The following SLC4A3 variants were observed in gnomAD, a reference collection of about 807,000 sequenced individuals.
The protein encoded by SLC4A3 is solute carrier family 4 member 3.
Under a neutral mutation model 114.2 loss-of-function variants are expected in SLC4A3, and 47 were observed. The observed-to-expected ratio is 0.41, with a 90% CI of 0.33 to 0.52. The LOEUF (loss-of-function observed/expected upper bound fraction) is 0.52. SLC4A3 is among the 20% of genes least tolerant of loss of function. The probability of loss-of-function intolerance (pLI) is 0.21; values close to 1 mark genes in which losing one functional copy is unlikely to be tolerated. For synonymous variants in SLC4A3, 693 were observed against 710.3 expected, an observed-to-expected ratio of 0.98 and a Z score of 0.39; for missense variants, 1,312 against 1,668.3, an observed-to-expected ratio of 0.79 and a Z score of 3.72.
rs1192501725 is a variant in SLC4A3 at position 219,633,966 on chromosome 2, G to A, written c.1548G>A (p.Thr516=). 5.8e-6 allele frequency: 9 copies of A among 1,555,126 alleles called. No homozygotes were observed. The highest frequency in any genetic ancestry group is 7.0e-6 in the Non-Finnish European group (8 of 1,148,716). Residue 516 remains threonine, a synonymous_variant, in exon 11 of 23, where the codon ACG becomes ACA. Coordinates refer to ENST00000358055, the MANE Select transcript of SLC4A3 (RefSeq NM_005070.4). ...AGATCCCTGAAGATGCTGAGGCCAC[G>A]GTTGTGCTTGTGGGTGAGGAGGGCC... is the stretch of plus-strand genomic sequence containing the variant. ...LEKIPEDAEA[T]VVLVGCVPFL... is the part of the protein sequence containing the mutation.
Position 219,628,686 on chromosome 2 carries a change from T to C in SLC4A3, c.217+116T>C. 1 of 1,047,146 alleles carries C rather than the reference T, an allele frequency of 9.5e-7. No individual in the cohort carries two copies. Among genetic ancestry groups the C allele is most frequent in the African/African-American group, 1.6e-5 (1 of 62,210 alleles). The allele number at this position is 1,047,146 out of a possible 1,614,324, so 64.9% of individuals were successfully genotyped here. ...CAGTGCCATCCTGTGCCGGACACTG[T>C]GCTGGACTCTGTGCTGGGCCACATG... On this transcript the variant is annotated intron_variant, in intron 3 of 22. Transcript: ENST00000358055. This position sits in a 1 kb window ranked among gnomAD's most constrained non-coding sequence, Gnocchi z 4.8.
rs1478795444 is a variant in SLC4A3, at chr2:219,639,305, C to CA, written c.3024-176dup. 6.6e-6 allele frequency among the ~76,000 whole-genome samples: 1 copy of CA among 152,176 alleles called. No individual in the cohort carries two copies. The highest frequency in any genetic ancestry group is 2.4e-5 in the African/African-American group (1 of 41,428). On this transcript the variant is annotated intron_variant, in intron 19 of 22. Transcript: ENST00000358055. This position sits in a 1 kb window ranked among gnomAD's most constrained non-coding sequence, Gnocchi z 5.9. ...ATTCACAGTATGAGAATTTGTCTCA[C>CA]ATTTGCTTCAATGTGAGAACTTCAA... is the stretch of plus-strand genomic sequence containing the variant.
At position 219,629,365 on chromosome 2, in the gene SLC4A3, G is replaced by A; in HGVS notation, c.439G>A (p.Glu147Lys). 1 of 1,603,148 alleles carries A rather than the reference G, an allele frequency of 6.2e-7. No homozygotes were observed. Among genetic ancestry groups the A allele is most frequent in the Non-Finnish European group, 8.5e-7 (1 of 1,174,302 alleles). The change falls in exon 4 of 23, where the codon GAA (glutamate) becomes AAA (lysine). Residue 147 changes from glutamate to lysine, a missense_variant. Physicochemically the swap from Glu to Lys is moderately conservative, Grantham distance 56 (BLOSUM62 1). Transcript: ENST00000358055. ...GGAGGAAGAGGAGGAAGAGGAAGGA[G>A]AATCTGAGGCAGAACCTGTGGAGCC... ...EEEEEEEEEG[E>K]SEAEPVEPPH...
In SLC4A3 at chr2:219,631,197, G is replaced by A. The variant is rs1008721459; in HGVS notation, c.812-771G>A. The A allele has an allele frequency of 3.1e-5, 38 of 1,216,454 alleles. No individual in the cohort carries two copies. Among genetic ancestry groups the A allele is most frequent in the South Asian group, 6.0e-5 (4 of 66,870 alleles). 75.4% of individuals were successfully genotyped at this position (1,216,454 alleles called of 1,614,324 possible). On this transcript the variant is annotated intron_variant, in intron 6 of 22. Transcript: ENST00000358055. The surrounding 1 kb of genome is among the most constrained non-coding windows in gnomAD (Gnocchi z 6.3). ...TCCCACCTTGTAGGAGAGCCGAGGGGTCTGGTAGGGAGCGGAGGCCGAGGT... is the reference window on the plus strand; with the variant it reads ...TCCCACCTTGTAGGAGAGCCGAGGGATCTGGTAGGGAGCGGAGGCCGAGGT...
chr2:219,628,737 C>T lies in SLC4A3; in HGVS notation c.217+167C>T, dbSNP rs540408725. The T allele has an allele frequency of 9.4e-6, 7 of 745,482 alleles. No homozygotes were observed. The highest frequency in any genetic ancestry group is 8.9e-5 in the African/African-American group (5 of 56,314). The allele number at this position is 745,482 out of a possible 1,614,324, so 46.2% of individuals were successfully genotyped here. The stretch of plus-strand genomic sequence containing the variant: ...CCGTGTTCAGTCATCCTGCCTCCCC[C>T]ACCCATCGCCTGTCCGCCTGCCTGG... On this transcript the variant is annotated intron_variant, in intron 3 of 22. Coordinates refer to ENST00000358055, the MANE Select transcript of SLC4A3 (RefSeq NM_005070.4). This position sits in a 1 kb window ranked among gnomAD's most constrained non-coding sequence, Gnocchi z 4.8.
chr2:219,629,857 C>T (rs1698855531), intron 5 of SLC4A3, among the ~76,000 whole-genome samples, 162 bp downstream of exon 5: 1 of 101,506 alleles, frequency 9.9e-6, no homozygotes, highest in East Asian at 2.8e-4. Flanking sequence ...TCTCTGTCCT[C>T]ATGATTTACA....
chr2:219,630,660 G>T lies in SLC4A3; in HGVS notation c.811+308G>T, dbSNP rs1447309557. ...ATCCCTCCCCAAGGCCCCTCTTCTC[G>T]GGGTGAACTCTCTGTCTCCTCTTTG... On this transcript the variant is annotated intron_variant, in intron 6 of 22. Transcript: ENST00000358055. The surrounding 1 kb of genome is among the most constrained non-coding windows in gnomAD (Gnocchi z 6.9). 6.6e-6 allele frequency among the ~76,000 whole-genome samples: 1 copy of T among 152,104 alleles called. No individual in the cohort carries two copies. Among genetic ancestry groups the T allele is most frequent in the Non-Finnish European group, 1.5e-5 (1 of 68,030 alleles).
In SLC4A3 at chr2:219,633,965, C is replaced by T. The variant is rs775930297; in HGVS notation, c.1547C>T (p.Thr516Met). Residue 516 changes from threonine (T) to methionine (M), a missense_variant, in exon 11 of 23, where the codon ACG (threonine) becomes ATG (methionine). Physicochemically the swap from Thr to Met is moderately conservative, Grantham distance 81. Around this residue, in one of 4 missense-constraint regions of SLC4A3, gnomAD observed 771 missense variants for 977.7 expected, o/e 0.79. Transcript: ENST00000358055. ...AAGATCCCTGAAGATGCTGAGGCCA[C>T]GGTTGTGCTTGTGGGTGAGGAGGGC... ...LEKIPEDAEATVVLVGCVPFL... is the reference protein window; with the variant it reads ...LEKIPEDAEAMVVLVGCVPFL... 2.5e-5 allele frequency: 39 copies of T among 1,555,110 alleles called. No individual in the cohort carries two copies. Among genetic ancestry groups the T allele is most frequent in the Middle Eastern group, 1.7e-4 (1 of 6,010 alleles).
rs201171639 is a variant in SLC4A3 at position 219,636,769 on chromosome 2, C to T, written c.2430C>T (p.Ala810=). ...LVVFVLALVA[A]EGSFLVRYIS... ...TCTTCGTCCTTGCCCTGGTGGCCGC[C>T]GAAGGCAGCTTCCTGGTCCGCTACA... Residue 810 remains alanine (A), a synonymous_variant, in exon 16 of 23, where the codon GCC becomes GCT. Transcript: ENST00000358055. The surrounding 1 kb of genome is among the most constrained non-coding windows in gnomAD (Gnocchi z 5.5). The T allele has an allele frequency of 6.7e-5, 108 of 1,614,058 alleles. 1 individual carries two copies. In the East Asian group the frequency reaches 1.6e-3, roughly 24 times the overall value.
chr2:219,633,229 A>C (rs1574649996), intron 9 of SLC4A3, 45 bp from the exon 10 acceptor site: 2 of 1,518,376 alleles, frequency 1.3e-6, no homozygotes, highest in Non-Finnish European at 1.8e-6. Context: ...ACCTCAGTCT[A>C]CCATGAGCCT....
At chr2:219,640,095 AT>A (rs1426181652) in intron 20 of SLC4A3, among the ~76,000 whole-genome samples, 1 of 151,890 alleles carries the variant, frequency 6.6e-6, no homozygotes, top group African/African-American at 2.4e-5. Context: ...CGCCCAGCTA[AT>A]TTTTTGTATT....
intron 10 of SLC4A3, 123 bp downstream of exon 10, chr2:219,633,580 C>T (rs549289565): frequency 9.3e-6 from 9 of 964,354 alleles, no homozygotes; most frequent in East Asian, 2.8e-5. Flanking sequence ...GCTGGGCATT[C>T]GGGGACCTAG....
At position 219,636,207 on chromosome 2, in the gene SLC4A3, G is replaced by T; in HGVS notation, c.2192-95G>T. On this transcript the variant is annotated intron_variant, in intron 14 of 22. Transcript: ENST00000358055. This position sits in a 1 kb window ranked among gnomAD's most constrained non-coding sequence, Gnocchi z 5.5. ...GTGTGTCACTCTAAGGGGCTGCTCT[G>T]CTTTTGTTGGGGGCCCCAGTTTAGG... 2 of 1,453,474 alleles carry T rather than the reference G, an allele frequency of 1.4e-6. No homozygotes were observed. The highest frequency in any genetic ancestry group is 1.9e-6 in the Non-Finnish European group (2 of 1,051,478). 90.0% of individuals were successfully genotyped at this position (1,453,474 alleles called of 1,614,324 possible). A position where few individuals can be genotyped will look rare whatever the true frequency, so the allele number is the denominator to read the frequency against.
chr2:219,633,854 G>C, intron 10 of SLC4A3, 26 bp from the exon 11 acceptor site: 1 of 1,552,098 alleles, frequency 6.4e-7, no homozygotes, highest in South Asian at 1.2e-5. Context: ...CTGGGTCCCA[G>C]CCCTATTCCA....
In SLC4A3 at chr2:219,638,593, C is replaced by A; in HGVS notation, c.2857-110C>A. 8.8e-7 allele frequency: 1 copy of A among 1,132,454 alleles called. No individual in the cohort carries two copies. Among genetic ancestry groups the A allele is most frequent in the Non-Finnish European group, 1.3e-6 (1 of 787,516 alleles). 70.2% of individuals were successfully genotyped at this position (1,132,454 alleles called of 1,614,324 possible). ...AACTAATTTTCCCCTGACCTGTTCA[C>A]ACCCCAGCTCCCTGAAGTCCTGGAC... On this transcript the variant is annotated intron_variant, in intron 18 of 22. Coordinates refer to ENST00000358055, the MANE Select transcript of SLC4A3 (RefSeq NM_005070.4). The surrounding 1 kb of genome is among the most constrained non-coding windows in gnomAD (Gnocchi z 7.5).
At position 219,631,185 on chromosome 2, in the gene SLC4A3, G is replaced by A; in HGVS notation, c.812-783G>A. 1 of 1,195,868 alleles carries A rather than the reference G, an allele frequency of 8.4e-7. No homozygotes were observed. The highest frequency in any genetic ancestry group is 1.1e-6 in the Non-Finnish European group (1 of 935,596). The allele number at this position is 1,195,868 out of a possible 1,614,324, so 74.1% of individuals were successfully genotyped here. ...CCCCGTCCAGGCTCCCACCTTGTAGGAGAGCCGAGGGGTCTGGTAGGGAGC... is the reference window on the plus strand; with the variant it reads ...CCCCGTCCAGGCTCCCACCTTGTAGAAGAGCCGAGGGGTCTGGTAGGGAGC... On this transcript the variant is annotated intron_variant, in intron 6 of 22. Coordinates refer to ENST00000358055, the MANE Select transcript of SLC4A3 (RefSeq NM_005070.4). The surrounding 1 kb of genome is among the most constrained non-coding windows in gnomAD (Gnocchi z 6.3).
chr2:219,641,025 G>C lies in SLC4A3; in HGVS notation c.3621+63G>C. On this transcript the variant is annotated intron_variant, in intron 22 of 22. Transcript: ENST00000358055. The surrounding 1 kb of genome is among the most constrained non-coding windows in gnomAD (Gnocchi z 4.0). ...AAATGGGCACTGGGTTCCAATCTCT[G>C]TTTGGCCACCCACTAGTTGTGTTAG... The C allele has an allele frequency of 6.7e-7, 1 of 1,485,218 alleles. No homozygotes were observed. The highest frequency in any genetic ancestry group is 9.2e-7 in the Non-Finnish European group (1 of 1,092,638). 92.0% of individuals were successfully genotyped at this position (1,485,218 alleles called of 1,614,324 possible). A position where few individuals can be genotyped will look rare whatever the true frequency, so the allele number is the denominator to read the frequency against.
chr2:219,627,862 G>A (rs968999365), intron 1 of SLC4A3, 38 bp from the exon 2 acceptor site: 13 of 693,214 alleles, frequency 1.9e-5, no homozygotes, highest in Non-Finnish European at 2.4e-5. Context: ...GGTGGGGGGC[G>A]CCAGCGCAAG....
Position 219,632,311 on chromosome 2 carries a change from A to G in SLC4A3, c.1010A>G (p.His337Arg). The change falls in exon 8 of 23, where the codon CAC becomes CGC. Residue 337 changes from histidine to arginine, a missense_variant. Transcript: ENST00000358055. Reference protein sequence around the residue: ...ELMLDRSQEPHWRETARWIKF... With the variant: ...ELMLDRSQEPRWRETARWIKF... ...ATGCTGGACCGCAGCCAGGAGCCCC[A>G]CTGGCGGGAGACGGCCCGCTGGATC... 2 of 1,614,062 alleles carry G rather than the reference A, an allele frequency of 1.2e-6. No individual in the cohort carries two copies. The highest frequency in any genetic ancestry group is 4.5e-5 in the East Asian group (2 of 44,862).
Sources: allele counts gnomAD v4.1 joint callset (sites outside exome capture counted in the v4.1 genomes callset), GRCh38; gene constraint gnomAD v4.1.1; regional missense constraint gnomAD v4.1.1; non-coding constraint Gnocchi (gnomAD v3.1); transcripts MANE v1.5; gene names NCBI Gene and HGNC (gene_info 2026-07-23, HGNC 2026-07-21).